BNC2: variants seen among roughly 807,000 people sequenced by gnomAD.
BNC2 encodes basonuclin zinc finger protein 2, also known as zinc finger protein basonuclin-2.
Under a neutral mutation model 76.3 loss-of-function variants are expected in BNC2, and 20 were observed. The observed-to-expected ratio is 0.26, with a 90% CI of 0.18 to 0.38. BNC2 has a LOEUF of 0.38. Among genes scored for constraint, BNC2 ranks in the 10% least tolerant of loss-of-function variants. The probability of loss-of-function intolerance (pLI) is 1.00; values close to 1 mark genes in which losing one functional copy is unlikely to be tolerated. For missense variants in BNC2, 1,382 were observed against 1,399.8 expected, an observed-to-expected ratio of 0.99 and a Z score of 0.20; for synonymous variants, 582 against 514.8, an observed-to-expected ratio of 1.13 and a Z score of -1.77.
chr9:16,623,306 C>T lies in BNC2; in HGVS notation c.331-40221G>A, dbSNP rs528832338. On this transcript the variant is annotated intron_variant, in intron 3 of 6. Transcript: ENST00000380672. Reference sequence around the variant, plus strand: ...GAGAGAGAGGGCATATTGTACCAGACTGAATTATTTCCTGTCATGACGTGT... The same window carrying T: ...GAGAGAGAGGGCATATTGTACCAGATTGAATTATTTCCTGTCATGACGTGT... Among the ~76,000 whole-genome samples, 79 of 152,260 alleles carry T rather than the reference C, an allele frequency of 5.2e-4. 1 individual carries two copies. The highest frequency in any genetic ancestry group is 3.4e-3 in the Middle Eastern group (1 of 294).
chr9:16,651,632 A>G (rs1386437037), intron 3 of BNC2, among the ~76,000 whole-genome samples: 1 of 152,174 alleles, frequency 6.6e-6, no homozygotes, highest in Admixed American at 6.5e-5. Flanking sequence ...TTGCGATGCT[A>G]TAAAATGGCT....
intron 1 of BNC2, among the ~76,000 whole-genome samples, chr9:16,866,427 G>T (rs546194385): frequency 2.0e-5 from 3 of 151,836 alleles, no homozygotes; most frequent in Non-Finnish European, 4.4e-5. Context: ...CCCACTTCTC[G>T]GTGATTTCGT....
At position 16,548,383 on chromosome 9, in the gene BNC2, A is replaced by ATTC. The variant is rs555793995; in HGVS notation, c.669+4144_669+4146dup. 2.1e-3 allele frequency among the ~76,000 whole-genome samples: 314 copies of ATTC among 150,970 alleles called. No homozygotes were observed. The Middle Eastern group carries it at 0.021, about 10-fold the overall frequency. On this transcript the variant is annotated intron_variant, in intron 5 of 6. Coordinates refer to ENST00000380672, the MANE Select transcript of BNC2 (RefSeq NM_017637.6). The stretch of plus-strand genomic sequence containing the variant: ...CACAAGATACAGACCTGAACTAAGA[A>ATTC]TTCTTCTTCTTCTTCTTCTTCGTTT...
chr9:16,629,215 G>C (rs1258254975), intron 3 of BNC2, among the ~76,000 whole-genome samples: 1 of 152,134 alleles, frequency 6.6e-6, no homozygotes, highest in African/African-American at 2.4e-5. Context: ...CTATAATGTT[G>C]TAAAGATGCT....
chr9:16,434,249 T>C (rs1487734277), intron 6 of BNC2, among the ~76,000 whole-genome samples: 2 of 152,210 alleles, frequency 1.3e-5, no homozygotes, highest in African/African-American at 4.8e-5. Context: ...TTCAAACTTT[T>C]ATTTTAAAAA....
At chr9:16,852,252 A>G (rs1819145162) in intron 1 of BNC2, among the ~76,000 whole-genome samples, 1 of 152,202 alleles carries the variant, frequency 6.6e-6, no homozygotes, top group African/African-American at 2.4e-5. Context: ...ATAGGTGAAC[A>G]AGATAAATCA....
At chr9:16,637,168 A>G (rs1284253566) in intron 3 of BNC2, among the ~76,000 whole-genome samples, 1 of 151,984 alleles carries the variant, frequency 6.6e-6, no homozygotes, top group East Asian at 1.9e-4. Context: ...GTATAGAATT[A>G]ATTTTGTGTT....
chr9:16,431,531 C>T, intron 6 of BNC2: 2 of 461,058 alleles, frequency 4.3e-6, no homozygotes, highest in African/African-American at 2.0e-5. Context: ...GAGGGGCAGC[C>T]TCCTGTTCCT....
intron 5 of BNC2, among the ~76,000 whole-genome samples, chr9:16,459,454 T>C (rs1313225368): frequency 6.6e-6 from 1 of 152,068 alleles, no homozygotes; most frequent in Non-Finnish European, 1.5e-5. Context: ...GTGGGTGGGA[T>C]TCGAAGGCTC....
chr9:16,866,824 A>C (rs1819556417), intron 1 of BNC2, among the ~76,000 whole-genome samples: 1 of 152,080 alleles, frequency 6.6e-6, no homozygotes, highest in Admixed American at 6.6e-5. Context: ...AGCTCTTCAG[A>C]GGGGATTTTA....
At chr9:16,722,797 T>C (rs150185594) in intron 3 of BNC2, among the ~76,000 whole-genome samples, 114 of 152,284 alleles carry the variant, frequency 7.5e-4, no homozygotes, top group African/African-American at 2.6e-3. Context: ...ACCATATATA[T>C]AAACTGTTAC....
intron 5 of BNC2, among the ~76,000 whole-genome samples, chr9:16,511,792 T>A (rs1446639844): frequency 6.6e-6 from 1 of 152,154 alleles, no homozygotes; most frequent in Non-Finnish European, 1.5e-5. Context: ...GCCGATAAAG[T>A]AAGCAAAGGT....
In BNC2 at chr9:16,680,128, T is replaced by C. The variant is rs375059033; in HGVS notation, c.330+47669A>G. Among the ~76,000 whole-genome samples the C allele has an allele frequency of 7.2e-5, 11 of 152,328 alleles. No individual in the cohort carries two copies. The East Asian group carries it at 9.6e-4, about 13-fold the overall frequency. Reference sequence around the variant, plus strand: ...TATCCTATTCAGTGAAAACTTTCAATAGAAACATACAACATTTTGGCAACT... The same window carrying C: ...TATCCTATTCAGTGAAAACTTTCAACAGAAACATACAACATTTTGGCAACT... On this transcript the variant is annotated intron_variant, in intron 3 of 6. Coordinates refer to ENST00000380672, the MANE Select transcript of BNC2 (RefSeq NM_017637.6).
At chr9:16,648,281 GT>G (rs1163375755) in intron 3 of BNC2, among the ~76,000 whole-genome samples, 3 of 152,182 alleles carry the variant, frequency 2.0e-5, no homozygotes, top group African/African-American at 7.2e-5. Flanking sequence ...ACACTTGGCT[GT>G]TTTTAACTAA....
At chr9:16,556,998 C>T (rs1021410846) in intron 4 of BNC2, among the ~76,000 whole-genome samples, 1 of 151,128 alleles carries the variant, frequency 6.6e-6, no homozygotes. Flanking sequence ...AGACTGCTGC[C>T]TAATTTCATG....
At chr9:16,840,124 A>G (rs1247670115) in intron 1 of BNC2, among the ~76,000 whole-genome samples, 2 of 149,818 alleles carry the variant, frequency 1.3e-5, no homozygotes, top group Non-Finnish European at 3.0e-5. Context: ...AGTTACAAAG[A>G]TCAAACAGGC....
chr9:16,419,343 T>A lies in BNC2; in HGVS notation c.2946A>T (p.Ala982=). ...SSIHSSRESD[A]GSDEGILLDD... is the part of the protein sequence containing the mutation. ...CGAGAAGAATCCCCTCATCGCTGCC[T>A]GCGTCGGATTCTCTGGAGGAATGGA... Residue 982 remains alanine, a synonymous_variant, in exon 7 of 7, where the codon GCA becomes GCT. Coordinates refer to ENST00000380672, the MANE Select transcript of BNC2 (RefSeq NM_017637.6). 1 of 1,611,258 alleles carries A rather than the reference T, an allele frequency of 6.2e-7. No homozygotes were observed. Among genetic ancestry groups the A allele is most frequent in the Non-Finnish European group, 8.5e-7 (1 of 1,178,060 alleles).
intron 3 of BNC2, among the ~76,000 whole-genome samples, chr9:16,630,749 C>CTTTCTTTTTTTT (rs1554691911): frequency 7.1e-6 from 1 of 140,194 alleles, no homozygotes; most frequent in Non-Finnish European, 1.5e-5. Context: ...TGGAGCGTTT[C>CTTTCTTTTTTTT]TTTTTTTGAA....
intron 5 of BNC2, among the ~76,000 whole-genome samples, chr9:16,449,841 C>CGGGGGG (rs543844239): frequency 4.4e-4 from 35 of 79,622 alleles, no homozygotes; most frequent in Admixed American, 6.2e-4. Flanking sequence ...AAAGGTGGGG[C>CGGGGGG]GGGGGGGGAG....
Sources: gnomAD v4.1 joint callset for allele counts (sites outside exome capture counted in the v4.1 genomes callset) on GRCh38, gnomAD v4.1.1 for gene constraint, MANE v1.5 for transcripts, NCBI Gene and HGNC (gene_info 2026-07-23, HGNC 2026-07-21) for gene names.